GRIN2A: variants seen among roughly 807,000 people sequenced by gnomAD.
The protein encoded by GRIN2A is glutamate receptor ionotropic, NMDA 2A.
GRIN2A carries 22 observed loss-of-function variants against 113.4 expected under a neutral mutation model. The ratio of observed to expected loss-of-function variants is 0.19; its 90% CI spans 0.14 to 0.28. The LOEUF is 0.28. GRIN2A is among the 10% of genes least tolerant of loss of function. The probability of loss-of-function intolerance (pLI) is 1.00; values close to 1 mark genes in which losing one functional copy is unlikely to be tolerated. For missense variants in GRIN2A, 1,502 were observed against 1,887.0 expected, an observed-to-expected ratio of 0.80 and a Z score of 3.78; for synonymous variants, 827 against 738.4, an observed-to-expected ratio of 1.12 and a Z score of -1.94.
chr16:9,777,957 C>T (rs1244307455), intron 11 of GRIN2A, among the ~76,000 whole-genome samples: 1 of 152,164 alleles, frequency 6.6e-6, no homozygotes, highest in African/African-American at 2.4e-5. Flanking sequence ...CCCAGCTACT[C>T]AGGAGGCTGA....
intron 2 of GRIN2A, among the ~76,000 whole-genome samples, chr16:10,024,831 G>A (rs1375658737): frequency 6.6e-6 from 1 of 152,216 alleles, no homozygotes; most frequent in Non-Finnish European, 1.5e-5. Flanking sequence ...TGGATGGCAT[G>A]AGAGACCACA....
intron 2 of GRIN2A, among the ~76,000 whole-genome samples, chr16:10,153,618 A>T (rs1174900828): frequency 2.0e-5 from 3 of 152,216 alleles, no homozygotes; most frequent in African/African-American, 7.2e-5. Flanking sequence ...GCCTTGAGTC[A>T]GAGGACAAGT....
At chr16:9,960,648 A>G (rs1327148771) in intron 2 of GRIN2A, among the ~76,000 whole-genome samples, 1 of 152,072 alleles carries the variant, frequency 6.6e-6, no homozygotes, top group African/African-American at 2.4e-5. Context: ...TATTTCAGAC[A>G]AGGTCTGGCT....
chr16:9,882,873 TG>T (rs2043510296), intron 4 of GRIN2A, among the ~76,000 whole-genome samples: 1 of 152,216 alleles, frequency 6.6e-6, no homozygotes, highest in Non-Finnish European at 1.5e-5. Context: ...TAGAATCAAT[TG>T]CATCCAGTGA....
At chr16:9,839,457 A>G (rs2042636719) in intron 7 of GRIN2A, among the ~76,000 whole-genome samples, 1 of 152,198 alleles carries the variant, frequency 6.6e-6, no homozygotes, top group Non-Finnish European at 1.5e-5. Flanking sequence ...TTCTTTACAA[A>G]CTATTTGGCT....
chr16:10,142,042 C>T (rs1446398533), intron 2 of GRIN2A, among the ~76,000 whole-genome samples: 1 of 152,198 alleles, frequency 6.6e-6, no homozygotes, highest in Non-Finnish European at 1.5e-5. Context: ...GAGGCTGATG[C>T]CAGCTCAAAG....
rs1901104906 is a variant in GRIN2A, at chr16:9,769,162, G to C, written c.2357-73C>G. 6 of 1,182,860 alleles carry C rather than the reference G, an allele frequency of 5.1e-6. No individual in the cohort carries two copies. The Middle Eastern group carries it at 5.7e-4, about 112-fold the overall frequency. The allele number at this position is 1,182,860 out of a possible 1,614,324, so 73.3% of individuals were successfully genotyped here. On this transcript the variant is annotated intron_variant, in intron 11 of 12. Transcript: ENST00000330684. ...TTTGGGGCAGACGCTTCTGGGTTTGGAACAGACGATGTGCAACTCACAGCT... is the reference window on the plus strand; with the variant it reads ...TTTGGGGCAGACGCTTCTGGGTTTGCAACAGACGATGTGCAACTCACAGCT...
chr16:9,795,556 G>A (rs1311260272), intron 11 of GRIN2A, among the ~76,000 whole-genome samples: 1 of 152,150 alleles, frequency 6.6e-6, no homozygotes, highest in Non-Finnish European at 1.5e-5. Flanking sequence ...TCTTGCATGA[G>A]ATCCAAGAAC....
intron 2 of GRIN2A, among the ~76,000 whole-genome samples, chr16:10,147,455 C>CAAAAAAA (rs367830700): frequency 9.5e-4 from 69 of 72,912 alleles, no homozygotes; most frequent in Non-Finnish European, 1.4e-3. Context: ...ACTAAAAATA[C>CAAAAAAA]AAAAAAAAAA....
chr16:9,925,725 GTTGT>G (rs2044451080), intron 3 of GRIN2A, among the ~76,000 whole-genome samples: 1 of 152,096 alleles, frequency 6.6e-6, no homozygotes, highest in Admixed American at 6.5e-5. Flanking sequence ...GTCCATTTTG[GTTGT>G]TTCAGTCTGT....
intron 2 of GRIN2A, among the ~76,000 whole-genome samples, chr16:9,958,790 A>G (rs1232830935): frequency 6.6e-6 from 1 of 152,226 alleles, no homozygotes; most frequent in Non-Finnish European, 1.5e-5. Flanking sequence ...CACATATAGT[A>G]TGTGCTAAAT....
intron 4 of GRIN2A, among the ~76,000 whole-genome samples, chr16:9,869,836 C>G (rs1383790469): frequency 6.6e-6 from 1 of 152,126 alleles, no homozygotes. Context: ...GTTTGTGAAC[C>G]AGCAGTCAGA....
intron 2 of GRIN2A, chr16:10,121,635 G>A (rs2048834765): frequency 6.6e-6 from 1 of 152,080 alleles, no homozygotes; most frequent in South Asian, 2.1e-4. Context: ...GCACCGACTG[G>A]GTGCAGCCAC....
chr16:10,180,992 T>C lies in GRIN2A; in HGVS notation c.-18-563A>G, dbSNP rs2050258400. Among the ~76,000 whole-genome samples, 1 of 152,160 alleles carries C rather than the reference T, an allele frequency of 6.6e-6. No individual in the cohort carries two copies. The highest frequency in any genetic ancestry group is 2.4e-5 in the African/African-American group (1 of 41,442). ...GACCCCGCCCCCTACGAGCCCGTCG[T>C]GTGCACCACACACTTTGCTCTACGC... On this transcript the variant is annotated intron_variant, in intron 1 of 12. Transcript: ENST00000330684. This position sits in a 1 kb window ranked among gnomAD's most constrained non-coding sequence, Gnocchi z 7.0.
chr16:10,012,280 A>T (rs1021515768), intron 2 of GRIN2A, among the ~76,000 whole-genome samples: 1 of 152,208 alleles, frequency 6.6e-6, no homozygotes, highest in African/African-American at 2.4e-5. Flanking sequence ...GCAAACAATA[A>T]AAGCATCACT....
intron 11 of GRIN2A, among the ~76,000 whole-genome samples, chr16:9,779,556 G>A (rs1188990142): frequency 6.6e-6 from 1 of 152,042 alleles, no homozygotes; most frequent in African/African-American, 2.4e-5. Context: ...GGAGGAGGAA[G>A]AAAAAGGGGA....
chr16:10,092,266 T>C (rs1051697643), intron 2 of GRIN2A, among the ~76,000 whole-genome samples: 9 of 152,218 alleles, frequency 5.9e-5, no homozygotes, highest in Non-Finnish European at 2.9e-5. Context: ...GCACATACTT[T>C]TCATCTTTTC....
chr16:9,938,724 C>A (rs1180558722), intron 2 of GRIN2A, among the ~76,000 whole-genome samples, 173 bp from the exon 3 acceptor site: 4 of 152,184 alleles, frequency 2.6e-5, no homozygotes, highest in Non-Finnish European at 4.4e-5. Flanking sequence ...ACAGAGAGGA[C>A]AGAAGCCCCT....
Position 10,180,803 on chromosome 16 carries a change from G to A in GRIN2A, c.-18-374C>T, listed in dbSNP as rs2050253590. ...GTTCTGTACCCCACCAAGCTCCTAG[G>A]TGCACAGAATAAACCCTCCATCCAA... On this transcript the variant is annotated intron_variant, in intron 1 of 12. Coordinates refer to ENST00000330684, the MANE Select transcript of GRIN2A (RefSeq NM_001134407.3). This position sits in a 1 kb window ranked among gnomAD's most constrained non-coding sequence, Gnocchi z 7.0. 5.3e-6 allele frequency: 2 copies of A among 378,446 alleles called. No homozygotes were observed. Among genetic ancestry groups the A allele is most frequent in the Non-Finnish European group, 1.0e-5 (2 of 200,324 alleles). 23.4% of individuals were successfully genotyped at this position (378,446 alleles called of 1,614,324 possible).
Sources: allele counts gnomAD v4.1 joint callset (sites outside exome capture counted in the v4.1 genomes callset), GRCh38; gene constraint gnomAD v4.1.1; non-coding constraint Gnocchi (gnomAD v3.1); transcripts MANE v1.5; gene names NCBI Gene and HGNC (gene_info 2026-07-23, HGNC 2026-07-21).